EMC1: variants seen among roughly 807,000 people sequenced by gnomAD.
The protein encoded by EMC1 is ER membrane protein complex subunit 1.
EMC1 carries 103 observed loss-of-function variants against 128.8 expected under a neutral mutation model. The observed-to-expected ratio is 0.80, with a 90% CI of 0.68 to 0.94. The LOEUF is 0.94. Ranked by LOEUF, EMC1 falls within the 40% of genes least tolerant of loss-of-function variation. The pLI is 0.00. For synonymous variants in EMC1, 442 were observed against 490.4 expected, an observed-to-expected ratio of 0.90 and a Z score of 1.30; for missense variants, 1,083 against 1,250.6, an observed-to-expected ratio of 0.87 and a Z score of 2.02.
chr1:19,238,201 G>A, intron 10 of EMC1, 62 bp from the exon 11 acceptor site: 2 of 1,586,380 alleles, frequency 1.3e-6, no homozygotes, highest in Non-Finnish European at 1.7e-6. Flanking sequence ...CCCACCAAAG[G>A]AAGTCCAAGG....
At chr1:19,219,795 T>C in intron 21 of EMC1, 97 bp from the exon 22 acceptor site, 2 of 1,415,714 alleles carry the variant, frequency 1.4e-6, no homozygotes, top group Admixed American at 1.8e-5. Context: ...AGGCTACATA[T>C]CTAGCCTCAA....
chr1:19,244,096 A>G (rs2093620737), intron 2 of EMC1, 81 bp from the exon 3 acceptor site: 1 of 1,368,604 alleles, frequency 7.3e-7, no homozygotes, highest in East Asian at 2.3e-5. Flanking sequence ...AGAGCTCTTC[A>G]TTTGCACAGC....
chr1:19,242,172 G>A lies in EMC1; in HGVS notation c.509+173C>T, dbSNP rs191443343. On this transcript the variant is annotated intron_variant, in intron 5 of 22. Coordinates refer to ENST00000477853, the MANE Select transcript of EMC1 (RefSeq NM_015047.3). Reference sequence around the variant, plus strand: ...GCAAAGGAAACTCCAGGCATACTCCGGAGTTTCACCCATACTCACAGCCTT... The same window carrying A: ...GCAAAGGAAACTCCAGGCATACTCCAGAGTTTCACCCATACTCACAGCCTT... Among the ~76,000 whole-genome samples the A allele has an allele frequency of 5.9e-5, 9 of 152,246 alleles. No individual in the cohort carries two copies. The East Asian group carries it at 9.7e-4, about 16-fold the overall frequency.
intron 12 of EMC1, among the ~76,000 whole-genome samples, chr1:19,236,117 T>C (rs2093561582): frequency 6.6e-6 from 1 of 152,034 alleles, no homozygotes; most frequent in Non-Finnish European, 1.5e-5. Context: ...GGCTCATGCC[T>C]GTAATCCCAG....
chr1:19,218,119 C>CACCACAGGGCTA lies in EMC1; in HGVS notation c.*1183_*1184insTAGCCCTGTGGT, dbSNP rs2151932036. ...TTGTCACTTGCTTTATGCAAACATT[C>CACCACAGGGCTA]GAGTGTACCTCTTTCACCACAGGGC... On this transcript the variant is annotated 3_prime_UTR_variant, in exon 23 of 23. Coordinates refer to ENST00000477853, the MANE Select transcript of EMC1 (RefSeq NM_015047.3). The CACCACAGGGCTA allele has an allele frequency of 6.6e-6, 1 of 152,322 alleles. No homozygotes were observed. The highest frequency in any genetic ancestry group is 2.1e-4 in the South Asian group (1 of 4,828). The allele number at this position is 152,322 out of a possible 1,614,324, so 9.4% of individuals were successfully genotyped here.
At chr1:19,232,573 T>C (rs754095594) in intron 15 of EMC1, 51 bp downstream of exon 15, 5 of 1,608,708 alleles carry the variant, frequency 3.1e-6, no homozygotes, top group Non-Finnish European at 4.2e-6. Context: ...AGTTACAAAA[T>C]AGCAAAAAAG....
intron 14 of EMC1, 27 bp downstream of exon 14, chr1:19,232,909 A>G (rs764226675): frequency 1.2e-6 from 2 of 1,612,072 alleles, no homozygotes; most frequent in Non-Finnish European, 1.7e-6. Flanking sequence ...GAAAAGGTTC[A>G]GTAACTGGAG....
At chr1:19,246,733 T>C (rs1053109605) in intron 1 of EMC1, among the ~76,000 whole-genome samples, 1 of 152,100 alleles carries the variant, frequency 6.6e-6, no homozygotes, top group African/African-American at 2.4e-5. Context: ...TGAGCCAAGA[T>C]CATGCCACTG....
chr1:19,250,955 G>A (rs2093656267), intron 1 of EMC1, among the ~76,000 whole-genome samples: 1 of 152,340 alleles, frequency 6.6e-6, no homozygotes, highest in Non-Finnish European at 1.5e-5. Flanking sequence ...GCCAGACTAG[G>A]TTGATGAGAG....
intron 12 of EMC1, 57 bp from the exon 13 acceptor site, chr1:19,235,309 T>A: frequency 6.4e-7 from 1 of 1,565,250 alleles, no homozygotes; most frequent in Non-Finnish European, 8.7e-7. Flanking sequence ...GGCTCATGCC[T>A]GTAATCCCAG....
rs16862631 is a variant in EMC1 at position 19,237,260 on chromosome 1, G to A, written c.1213-22C>T. On this transcript the variant is annotated intron_variant, in intron 11 of 22. Coordinates refer to ENST00000477853, the MANE Select transcript of EMC1 (RefSeq NM_015047.3). ...ACAGCTATAAGCCACAGTCAAGACCGGTGTAGTCAGTGAGGATCCAAATGC... is the reference window on the plus strand; with the variant it reads ...ACAGCTATAAGCCACAGTCAAGACCAGTGTAGTCAGTGAGGATCCAAATGC... The A allele has an allele frequency of 1.5e-3, 2,338 of 1,575,816 alleles. 46 individuals carry two copies. In the Admixed American group the frequency reaches 0.031, roughly 21 times the overall value.
At chr1:19,249,578 G>A (rs1426696268) in intron 1 of EMC1, among the ~76,000 whole-genome samples, 1 of 152,166 alleles carries the variant, frequency 6.6e-6, no homozygotes, top group Non-Finnish European at 1.5e-5. Context: ...TTCTCAGGAT[G>A]TATTCCCATC....
chr1:19,238,160 T>A, intron 10 of EMC1, 21 bp from the exon 11 acceptor site: 4 of 1,611,822 alleles, frequency 2.5e-6, no homozygotes, highest in Non-Finnish European at 3.4e-6. Flanking sequence ...AGACAGCACG[T>A]GTCAACTACA....
chr1:19,230,288 G>T (rs1324278349), intron 17 of EMC1, among the ~76,000 whole-genome samples: 1 of 152,240 alleles, frequency 6.6e-6, no homozygotes, highest in East Asian at 1.9e-4. Flanking sequence ...AAAAATAATG[G>T]GGCCAGGCGC....
chr1:19,225,176 T>G (rs1558094145), intron 18 of EMC1, among the ~76,000 whole-genome samples: 1 of 152,230 alleles, frequency 6.6e-6, no homozygotes. Context: ...GCCCATTTTA[T>G]ATCCCAGTGT....
In EMC1 at chr1:19,216,233, C is replaced by CAAAAAAA. The variant is rs144374191; in HGVS notation, c.*3063_*3069dup. ...GCCTGGGTGACAGAGACCCTGCCTC[C>CAAAAAAA]AAAAAAAAAGCAATTTATAAAGGCA... On this transcript the variant is annotated 3_prime_UTR_variant, in exon 23 of 23. Transcript: ENST00000477853. The CAAAAAAA allele has an allele frequency of 3.1e-5, 4 of 129,562 alleles. No homozygotes were observed. Among genetic ancestry groups the CAAAAAAA allele is most frequent in the Non-Finnish European group, 4.9e-5 (3 of 61,402 alleles). The allele number at this position is 129,562 out of a possible 1,614,324, so 8.0% of individuals were successfully genotyped here. A position where few individuals can be genotyped will look rare whatever the true frequency, so the allele number is the denominator to read the frequency against.
chr1:19,243,389 G>A (rs1429411624), intron 4 of EMC1, among the ~76,000 whole-genome samples: 1 of 152,200 alleles, frequency 6.6e-6, no homozygotes, highest in Non-Finnish European at 1.5e-5. Context: ...ATTAGGAACA[G>A]CATTCAAGCA....
intron 17 of EMC1, among the ~76,000 whole-genome samples, chr1:19,228,293 G>C (rs2151944923): frequency 6.6e-6 from 1 of 152,026 alleles, no homozygotes; most frequent in African/African-American, 2.4e-5. Context: ...TAGGAAATAT[G>C]CAAGGAAAAT....
intron 5 of EMC1, 25 bp downstream of exon 5, chr1:19,242,320 A>G (rs1389821932): frequency 1.2e-6 from 2 of 1,612,964 alleles, no homozygotes; most frequent in Admixed American, 3.3e-5. Context: ...CGAGGCAGCT[A>G]TTGCCTGTGA....
Sources: allele counts gnomAD v4.1 joint callset (sites outside exome capture counted in the v4.1 genomes callset), GRCh38; gene constraint gnomAD v4.1.1; transcripts MANE v1.5; gene names NCBI Gene and HGNC (gene_info 2026-07-23, HGNC 2026-07-21).